FAT3: variants seen among roughly 807,000 people sequenced by gnomAD.
FAT3 encodes FAT atypical cadherin 3.
A neutral mutation model predicts 310.2 loss-of-function variants in FAT3; 95 were observed. That is an observed-to-expected ratio of 0.31 (90% CI 0.26 to 0.36). The LOEUF (loss-of-function observed/expected upper bound fraction) is 0.36, where lower values mean the gene tolerates loss of function less well. FAT3 is among the 10% of genes least tolerant of loss of function. The probability of loss-of-function intolerance (pLI) is 1.00; values close to 1 mark genes in which losing one functional copy is unlikely to be tolerated. For missense variants in FAT3, 5,408 were observed against 5,715.6 expected (o/e 0.95, Z 1.74); for synonymous variants, 2,314 against 2,192.9 (o/e 1.06, Z -1.54).
At chr11:92,422,282 A>T (rs1950547598) in intron 2 of FAT3, among the ~76,000 whole-genome samples, 1 of 152,134 alleles carries the variant, frequency 6.6e-6, no homozygotes. Context: ...TATTCCTGAA[A>T]TGGGCTCTAC....
intron 2 of FAT3, among the ~76,000 whole-genome samples, chr11:92,505,763 G>A (rs1953080796): frequency 6.6e-6 from 1 of 152,030 alleles, no homozygotes; most frequent in Non-Finnish European, 1.5e-5. Flanking sequence ...ATTCTCTGCT[G>A]GACTCTTCCT....
At chr11:92,228,266 T>C (rs1239425607) in intron 1 of FAT3, among the ~76,000 whole-genome samples, 2 of 152,156 alleles carry the variant, frequency 1.3e-5, no homozygotes. Context: ...CTTTTAGAAA[T>C]CTTTCTTTCA....
At chr11:92,816,119 G>C (rs189206914) in intron 13 of FAT3, among the ~76,000 whole-genome samples, 1 of 152,344 alleles carries the variant, frequency 6.6e-6, no homozygotes, top group East Asian at 1.9e-4. Context: ...AATGCTAAGA[G>C]TTGGGACTTG....
At chr11:92,814,780 G>T (rs1233341246) in intron 13 of FAT3, among the ~76,000 whole-genome samples, 3 of 152,212 alleles carry the variant, frequency 2.0e-5, no homozygotes, top group Non-Finnish European at 2.9e-5. Context: ...AAAGCTAGAT[G>T]ATGGGTTGAT....
chr11:92,848,938 A>T (rs529816800), intron 19 of FAT3, among the ~76,000 whole-genome samples: 16 of 152,376 alleles, frequency 1.1e-4, no homozygotes, highest in African/African-American at 3.4e-4. Flanking sequence ...GAGCCAAGGC[A>T]TGGAGTTAAG....
At chr11:92,346,558 GTT>G (rs1243000363) in intron 1 of FAT3, among the ~76,000 whole-genome samples, 1 of 152,018 alleles carries the variant, frequency 6.6e-6, no homozygotes, top group Non-Finnish European at 1.5e-5. Context: ...AGTTTTACTC[GTT>G]TTTTGTTTTG....
intron 3 of FAT3, among the ~76,000 whole-genome samples, chr11:92,638,154 TACTC>T (rs1299137061): frequency 1.3e-5 from 2 of 152,186 alleles, no homozygotes; most frequent in East Asian, 3.9e-4. Flanking sequence ...GGTTGAGAGG[TACTC>T]ATTGGACTGG....
intron 1 of FAT3, among the ~76,000 whole-genome samples, chr11:92,288,664 G>A (rs1472010772): frequency 6.6e-6 from 1 of 152,026 alleles, no homozygotes; most frequent in Non-Finnish European, 1.5e-5. Context: ...ACTGACATGT[G>A]TTTGCCTATC....
rs550675247 is a variant in FAT3 at position 92,894,308 on chromosome 11, C to T, written c.*3195C>T. ...ATTACAGAGTTCAGCTCAGACCAGT[C>T]ATCAGTTGTAGTGAAACTTTGATTA... On this transcript the variant is annotated 3_prime_UTR_variant, in exon 28 of 28. Coordinates refer to ENST00000525166, the MANE Select transcript of FAT3 (RefSeq NM_001367949.2). 1 of 152,312 alleles carries T rather than the reference C, an allele frequency of 6.6e-6. No homozygotes were observed. The highest frequency in any genetic ancestry group is 2.1e-4 in the South Asian group (1 of 4,822). 9.4% of individuals were successfully genotyped at this position (152,312 alleles called of 1,614,324 possible). A position where few individuals can be genotyped will look rare whatever the true frequency, so the allele number is the denominator to read the frequency against.
intron 4 of FAT3, among the ~76,000 whole-genome samples, chr11:92,715,134 G>T (rs866173907): frequency 2.0e-5 from 3 of 151,882 alleles, no homozygotes; most frequent in South Asian, 4.2e-4. Flanking sequence ...GGCCGGGTGC[G>T]TTGGCTCACA....
In FAT3 at chr11:92,354,023, A is replaced by G. The variant is rs773919078; in HGVS notation, c.1911A>G (p.Lys637=). The part of the protein sequence containing the change: ...NPDSGVLQLK[K]SLTNSGIKNG... The stretch of plus-strand genomic sequence containing the variant: ...ATTCTGGTGTTTTACAGCTTAAAAA[A>G]TCACTGACAAATTCTGGCATTAAAA... The change falls in exon 2 of 28, where the codon AAA becomes AAG. Residue 637 remains lysine (K), a synonymous_variant. Coordinates refer to ENST00000525166, the MANE Select transcript of FAT3 (RefSeq NM_001367949.2). 1 of 1,613,284 alleles carries G rather than the reference A, an allele frequency of 6.2e-7. No individual in the cohort carries two copies. The highest frequency in any genetic ancestry group is 2.2e-5 in the East Asian group (1 of 44,856).
intron 2 of FAT3, among the ~76,000 whole-genome samples, chr11:92,485,547 T>C (rs1365700791): frequency 6.6e-6 from 1 of 152,172 alleles, no homozygotes; most frequent in Non-Finnish European, 1.5e-5. Context: ...TCCAATAGAT[T>C]ACACAGAAAC....
At chr11:92,700,370 C>T (rs776802053) in intron 4 of FAT3, among the ~76,000 whole-genome samples, 3 of 152,072 alleles carry the variant, frequency 2.0e-5, no homozygotes, top group Non-Finnish European at 2.9e-5. Context: ...AGTGGAAAGC[C>T]TTTAAGCAGG....
intron 4 of FAT3, among the ~76,000 whole-genome samples, chr11:92,719,941 G>A (rs1284398692): frequency 6.6e-6 from 1 of 152,132 alleles, no homozygotes; most frequent in Non-Finnish European, 1.5e-5. Context: ...ATGCTGTCTG[G>A]TTGCTCCAGC....
chr11:92,727,486 G>C (rs540922742), intron 4 of FAT3, among the ~76,000 whole-genome samples: 1 of 152,216 alleles, frequency 6.6e-6, no homozygotes, highest in Non-Finnish European at 1.5e-5. Context: ...CTGAGAGGAA[G>C]ACCTGGTAGA....
intron 1 of FAT3, among the ~76,000 whole-genome samples, chr11:92,298,663 A>G (rs910001375): frequency 6.6e-6 from 1 of 152,096 alleles, no homozygotes; most frequent in Non-Finnish European, 1.5e-5. Flanking sequence ...ATGATAACCC[A>G]TCATATTAGT....
intron 3 of FAT3, among the ~76,000 whole-genome samples, chr11:92,586,144 G>C (rs187949603): frequency 6.6e-6 from 1 of 151,928 alleles, no homozygotes; most frequent in Non-Finnish European, 1.5e-5. Context: ...GTGATACTGG[G>C]TTAGAATTAG....
intron 3 of FAT3, among the ~76,000 whole-genome samples, chr11:92,677,146 CTT>C (rs1384251512): frequency 2.0e-5 from 3 of 152,206 alleles, no homozygotes; most frequent in Non-Finnish European, 4.4e-5. Context: ...AAGGCAGAAA[CTT>C]AGATGTTTAG....
At chr11:92,739,764 G>C (rs930860685) in intron 4 of FAT3, among the ~76,000 whole-genome samples, 2 of 152,152 alleles carry the variant, frequency 1.3e-5, no homozygotes, top group Non-Finnish European at 2.9e-5. Context: ...GGCAATCTCT[G>C]CTGCCTGTCA....
Sources: gnomAD v4.1 joint callset for allele counts (sites outside exome capture counted in the v4.1 genomes callset) on GRCh38, gnomAD v4.1.1 for gene constraint, MANE v1.5 for transcripts, NCBI Gene and HGNC (gene_info 2026-07-23, HGNC 2026-07-21) for gene names.